The following SPON1 variants were observed in gnomAD, a reference collection of about 807,000 sequenced individuals.
The protein encoded by SPON1 is spondin-1.
In SPON1, 52 loss-of-function variants were observed where a neutral mutation model predicts 111.7. The observed-to-expected ratio is 0.47, with a 90% CI of 0.37 to 0.59. The LOEUF (loss-of-function observed/expected upper bound fraction) is 0.59. Ranked by LOEUF, SPON1 falls within the 20% of genes least tolerant of loss-of-function variation. The pLI, the probability that SPON1 is intolerant of heterozygous loss-of-function variation, is 0.00. For synonymous variants in SPON1, 410 were observed against 395.8 expected (o/e 1.04, Z -0.43); for missense variants, 957 against 1,068.5 (o/e 0.90, Z 1.46).
rs1260776147 is a variant in SPON1, at chr11:14,182,720, T to C, written c.825+47152T>C. 2.6e-5 allele frequency among the ~76,000 whole-genome samples: 4 copies of C among 152,268 alleles called. No homozygotes were observed. The South Asian group carries it at 6.2e-4, about 24-fold the overall frequency. On this transcript the variant is annotated intron_variant, in intron 6 of 15. Coordinates refer to ENST00000576479, the MANE Select transcript of SPON1 (RefSeq NM_006108.4). ...TCTTATTTGACGGTCCATAAAAGGC[T>C]CCTTTTTCTAACCTCACAAAGGCAC...
chr11:14,263,113 C>A (rs1849209335), intron 15 of SPON1, 138 bp downstream of exon 15: 1 of 887,694 alleles, frequency 1.1e-6, no homozygotes, highest in South Asian at 2.0e-5. Context: ...CTTCAGGCCA[C>A]ATTTTGATTC....
chr11:14,142,921 T>C (rs1379247891), intron 6 of SPON1, among the ~76,000 whole-genome samples: 1 of 152,168 alleles, frequency 6.6e-6, no homozygotes, highest in African/African-American at 2.4e-5. Context: ...TCTCTCTCCC[T>C]CCTCCACACT....
At chr11:14,062,335 G>A (rs868958916) in intron 3 of SPON1, among the ~76,000 whole-genome samples, 4 of 152,088 alleles carry the variant, frequency 2.6e-5, no homozygotes, top group South Asian at 2.1e-4. Context: ...GCAGTTAATC[G>A]GTTTCTCCAA....
chr11:14,265,054 T>A (rs1204222281), intron 15 of SPON1, among the ~76,000 whole-genome samples: 1 of 152,138 alleles, frequency 6.6e-6, no homozygotes, highest in African/African-American at 2.4e-5. Flanking sequence ...TCTTCTTGGG[T>A]CTAGTTTGGA....
rs552371452 is a variant in SPON1, at chr11:14,088,565, T to A, written c.676+8544T>A. 1.8e-3 allele frequency among the ~76,000 whole-genome samples: 268 copies of A among 152,248 alleles called. 1 individual carries two copies. Among genetic ancestry groups the A allele is most frequent in the African/African-American group, 5.5e-3 (230 of 41,548 alleles). ...CTTTCTCTCTGGCTGCCCTTAACAT[T>A]TTTTCCTTCATTTCAACCTTGGTGA... On this transcript the variant is annotated intron_variant, in intron 5 of 15. Coordinates refer to ENST00000576479, the MANE Select transcript of SPON1 (RefSeq NM_006108.4).
intron 2 of SPON1, among the ~76,000 whole-genome samples, chr11:14,003,648 AGCAC>A (rs1554912743): frequency 1.1e-4 from 17 of 152,284 alleles, no homozygotes; most frequent in African/African-American, 3.8e-4. Context: ...GACCTACATA[AGCAC>A]TATTGGCATT....
chr11:14,163,436 G>C (rs1476743708), intron 6 of SPON1, among the ~76,000 whole-genome samples: 1 of 152,144 alleles, frequency 6.6e-6, no homozygotes, highest in Admixed American at 6.5e-5. Flanking sequence ...GCTGGGGCCA[G>C]CTCCCCACCC....
chr11:14,231,398 G>T (rs145438817), intron 6 of SPON1, among the ~76,000 whole-genome samples: 4,823 of 152,252 alleles, frequency 0.032, 108 homozygotes, highest in Non-Finnish European at 0.049. Flanking sequence ...CTCCCAAAGT[G>T]CTGGGATTAC....
intron 15 of SPON1, among the ~76,000 whole-genome samples, chr11:14,264,336 A>C (rs1849236110): frequency 6.6e-6 from 1 of 152,210 alleles, no homozygotes; most frequent in Admixed American, 6.5e-5. Context: ...CAGAGGCCAG[A>C]TAGGTTTTAT....
intron 5 of SPON1, among the ~76,000 whole-genome samples, chr11:14,126,211 G>A (rs1030473105): frequency 6.6e-6 from 1 of 152,110 alleles, no homozygotes; most frequent in African/African-American, 2.4e-5. Context: ...TCAAATGTCT[G>A]CCCTCCCCAT....
chr11:14,035,498 A>G (rs1848587691), intron 2 of SPON1, among the ~76,000 whole-genome samples: 1 of 152,190 alleles, frequency 6.6e-6, no homozygotes, highest in South Asian at 2.1e-4. Context: ...AACAAAGTCC[A>G]AATTCAGAAG....
intron 6 of SPON1, among the ~76,000 whole-genome samples, chr11:14,220,468 G>A (rs974820165): frequency 5.9e-5 from 9 of 152,174 alleles, no homozygotes; most frequent in Non-Finnish European, 1.3e-4. Context: ...TTGTTAGGCT[G>A]TTTTGGGCAA....
At chr11:13,992,236 C>CT (rs1489362610) in intron 2 of SPON1, among the ~76,000 whole-genome samples, 1 of 152,192 alleles carries the variant, frequency 6.6e-6, no homozygotes, top group African/African-American at 2.4e-5. Context: ...GGGCTGCTGC[C>CT]TTTTTTTCAG....
intron 1 of SPON1, among the ~76,000 whole-genome samples, chr11:13,977,200 C>G (rs1848109757): frequency 6.6e-6 from 1 of 152,152 alleles, no homozygotes; most frequent in Non-Finnish European, 1.5e-5. Flanking sequence ...ATATGCATTT[C>G]TGTTGATTTA....
chr11:14,056,369 G>A (rs1432581878), intron 3 of SPON1, among the ~76,000 whole-genome samples: 5 of 152,050 alleles, frequency 3.3e-5, no homozygotes, highest in African/African-American at 1.2e-4. Context: ...ACAAAGAAGT[G>A]GTCTACCCAA....
At chr11:14,032,165 C>T (rs1017582559) in intron 2 of SPON1, among the ~76,000 whole-genome samples, 9 of 152,040 alleles carry the variant, frequency 5.9e-5, no homozygotes, top group African/African-American at 1.5e-4. Context: ...TGTGAAATGA[C>T]GAGTTATAAC....
chr11:14,190,786 G>A (rs1165717685), intron 6 of SPON1, among the ~76,000 whole-genome samples: 3 of 151,584 alleles, frequency 2.0e-5, no homozygotes, highest in Admixed American at 6.6e-5. Context: ...GATTAAAGGG[G>A]CCCGCCACCG....
Position 13,963,032 on chromosome 11 carries a change from A to G in SPON1, c.128A>G (p.Tyr43Cys), listed in dbSNP as rs782750625. Reference protein sequence around the residue: ...TLDKVPKSEGYCSRILRAQGT... With the variant: ...TLDKVPKSEGCCSRILRAQGT... ...GACAAAGTGCCCAAGTCAGAGGGCT[A>G]CTGCAGCCGTATCCTGCGCGCCCAG... is the stretch of plus-strand genomic sequence containing the variant. The change falls in exon 1 of 16, where the codon TAC becomes TGC. Residue 43 changes from tyrosine (Y) to cysteine (C), a missense_variant. By Grantham distance (194) the Tyr-to-Cys change is radical (BLOSUM62 -2). Around this residue, in one of 5 missense-constraint regions of SPON1, gnomAD observed 262 missense variants for 253.9 expected, o/e 1.03. Coordinates refer to ENST00000576479, the MANE Select transcript of SPON1 (RefSeq NM_006108.4). The G allele has an allele frequency of 6.3e-7, 1 of 1,588,576 alleles. No homozygotes were observed.
chr11:14,017,912 A>G (rs1848454790), intron 2 of SPON1, among the ~76,000 whole-genome samples: 1 of 152,194 alleles, frequency 6.6e-6, no homozygotes, highest in African/African-American at 2.4e-5. Flanking sequence ...CATCTTTGTA[A>G]TGTATTGATC....
Sources: gnomAD v4.1 joint callset for allele counts (sites outside exome capture counted in the v4.1 genomes callset) on GRCh38, gnomAD v4.1.1 for gene constraint, gnomAD v4.1.1 regional missense constraint, MANE v1.5 for transcripts, NCBI Gene and HGNC (gene_info 2026-07-23, HGNC 2026-07-21) for gene names.